The following CCDC7 variants were observed in gnomAD, a reference collection of about 807,000 sequenced individuals.
CCDC7 encodes the protein coiled-coil domain-containing protein 7.
Under a neutral mutation model 196.9 loss-of-function variants are expected in CCDC7, and 183 were observed. The ratio of observed to expected loss-of-function variants is 0.93; its 90% CI spans 0.82 to 1.05. CCDC7 has a LOEUF of 1.05. Ranked by LOEUF, CCDC7 falls within the 50% of genes least tolerant of loss-of-function variation. The pLI is 0.00. For missense variants in CCDC7, 1,540 were observed against 1,482.2 expected, an observed-to-expected ratio of 1.04 and a Z score of -0.64; for synonymous variants, 525 against 484.6, an observed-to-expected ratio of 1.08 and a Z score of -1.10.
exon 24 of CCDC7, chr10:32,694,918 A>G (rs773618804): frequency 1.1e-5 from 17 of 1,605,032 alleles, no homozygotes; most frequent in Admixed American, 3.4e-5. Flanking sequence ...GTGCTTGAAC[A>G]TCAAGATTCA....
At chr10:32,488,598 G>A (rs1208367349) in intron 8 of CCDC7, among the ~76,000 whole-genome samples, 1 of 152,120 alleles carries the variant, frequency 6.6e-6, no homozygotes, top group African/African-American at 2.4e-5. Flanking sequence ...CTGTAGACTG[G>A]AGCTGTTCCT....
chr10:32,752,304 C>G (rs542860212), intron 28 of CCDC7, among the ~76,000 whole-genome samples: 1 of 152,192 alleles, frequency 6.6e-6, no homozygotes, highest in African/African-American at 2.4e-5. Flanking sequence ...GGATGGATAA[C>G]TTTATACACT....
chr10:32,840,017 A>G (rs1190293868), intron 33 of CCDC7, among the ~76,000 whole-genome samples: 1 of 152,048 alleles, frequency 6.6e-6, no homozygotes, highest in Non-Finnish European at 1.5e-5. Context: ...GCTAAGAGGA[A>G]CTGTTCATAG....
At chr10:32,592,985 T>A (rs981955712) in intron 18 of CCDC7, among the ~76,000 whole-genome samples, 13 of 152,226 alleles carry the variant, frequency 8.5e-5, no homozygotes, top group African/African-American at 3.1e-4. Context: ...TCTTTGCTAT[T>A]GTGATTAGTG....
chr10:32,555,214 TA>T (rs979377400), intron 13 of CCDC7, among the ~76,000 whole-genome samples: 1 of 152,092 alleles, frequency 6.6e-6, no homozygotes, highest in African/African-American at 2.4e-5. Flanking sequence ...TACCTAACAG[TA>T]AGATTACTGG....
At chr10:32,870,077 G>T (rs2094370411) in intron 41 of CCDC7, among the ~76,000 whole-genome samples, 4 of 152,054 alleles carry the variant, frequency 2.6e-5, no homozygotes, top group African/African-American at 9.7e-5. Flanking sequence ...TGGCAATGCG[G>T]GCTCTTTTTT....
At chr10:32,876,294 A>G (rs1323200647) in intron 41 of CCDC7, 53 bp from the exon 43 acceptor site, 1 of 1,320,622 alleles carries the variant, frequency 7.6e-7, no homozygotes, top group Non-Finnish European at 1.1e-6. Context: ...AAATTATATC[A>G]ACTGGAGTAA....
At chr10:32,845,985 A>G (rs1246765757) in intron 36 of CCDC7, 26 bp downstream of exon 37, 6 of 1,515,434 alleles carry the variant, frequency 4.0e-6, no homozygotes, top group Non-Finnish European at 5.5e-6. Flanking sequence ...TTTCAAGTCT[A>G]ATATTTAGGC....
At chr10:32,828,534 GAAGAAGAAGAAGAAGAAGAAGAAGA>G (rs1565635368) in intron 32 of CCDC7, among the ~76,000 whole-genome samples, 5 of 150,616 alleles carry the variant, frequency 3.3e-5, no homozygotes, top group Non-Finnish European at 5.9e-5. Context: ...AGAAGAAGAA[GAAGAAGAAGAAGAAGAAGAAGAAGA>G]AAGAAGAAGA....
chr10:32,771,944 A>G (rs2079226218), intron 28 of CCDC7, among the ~76,000 whole-genome samples: 1 of 152,172 alleles, frequency 6.6e-6, no homozygotes, highest in African/African-American at 2.4e-5. Context: ...AGTGCTTCCA[A>G]CTGTGGGAGT....
At chr10:32,652,083 T>G (rs2068867440) in intron 20 of CCDC7, among the ~76,000 whole-genome samples, 1 of 152,202 alleles carries the variant, frequency 6.6e-6, no homozygotes, top group Non-Finnish European at 1.5e-5. Flanking sequence ...CTTTATATGT[T>G]TAGGTGCTCC....
At chr10:32,686,180 C>T (rs1361302730) in intron 22 of CCDC7, 100 bp downstream of exon 23, 4 of 590,422 alleles carry the variant, frequency 6.8e-6, no homozygotes, top group Non-Finnish European at 8.7e-6. Context: ...AGAAATTTTA[C>T]CTTGAACCTA....
In CCDC7 at chr10:32,511,756, G is replaced by A. The variant is rs1032509240; in HGVS notation, c.873-6189G>A. The A allele has an allele frequency of 2.6e-6, 4 of 1,523,650 alleles. No homozygotes were observed. The South Asian group carries it at 4.5e-5, about 17-fold the overall frequency. The allele number at this position is 1,523,650 out of a possible 1,614,324, so 94.4% of individuals were successfully genotyped here. On this transcript the variant is annotated intron_variant, in intron 9 of 41. Transcript: ENST00000639629. ...CACCTGCCGTTATGGCTGACTCACG[G>A]CCTTCGACTCCAGCCTCCCGGAAAG...
At chr10:32,632,146 G>C (rs1213601661) in intron 18 of CCDC7, among the ~76,000 whole-genome samples, 4 of 139,862 alleles carry the variant, frequency 2.9e-5, no homozygotes, top group South Asian at 2.5e-4. Flanking sequence ...TTTTGGGGGG[G>C]GGGGGGTCTA....
chr10:32,474,035 C>T lies in CCDC7; in HGVS notation c.796+12C>T, dbSNP rs760535162. The T allele has an allele frequency of 1.1e-5, 18 of 1,609,028 alleles. No individual in the cohort carries two copies. Among genetic ancestry groups the T allele is most frequent in the Non-Finnish European group, 1.5e-5 (18 of 1,177,582 alleles). On this transcript the variant is annotated intron_variant, in intron 8 of 41. Transcript: ENST00000639629. ...TGCAACAGAACCACGTAAGTTTCCA[C>T]TCATTAAAGCATTATTGTGATAATA...
exon 6 of CCDC7, chr10:32,471,177 T>C (rs1411116701): frequency 6.2e-7 from 1 of 1,612,492 alleles, no homozygotes; most frequent in Non-Finnish European, 8.5e-7. Flanking sequence ...AACTGAAGAA[T>C]CGCCTTAAAC....
chr10:32,783,027 T>C (rs2081297552), intron 29 of CCDC7, among the ~76,000 whole-genome samples: 1 of 152,126 alleles, frequency 6.6e-6, no homozygotes, highest in South Asian at 2.1e-4. Flanking sequence ...ATGGACCAAA[T>C]ACCTACATAT....
At chr10:32,530,362 A>T (rs929870591) in intron 11 of CCDC7, among the ~76,000 whole-genome samples, 1 of 148,144 alleles carries the variant, frequency 6.8e-6, no homozygotes, top group Non-Finnish European at 1.5e-5. Context: ...TGCTTTTGGC[A>T]GTATGGTCAT....
intron 13 of CCDC7, among the ~76,000 whole-genome samples, chr10:32,555,410 T>C (rs1321105214): frequency 1.3e-5 from 2 of 152,124 alleles, no homozygotes; most frequent in African/African-American, 4.8e-5. Flanking sequence ...CACACCCAGC[T>C]AATTTTTGTA....
Sources: allele counts gnomAD v4.1 joint callset (sites outside exome capture counted in the v4.1 genomes callset), GRCh38; gene constraint gnomAD v4.1.1; transcripts MANE v1.5; gene names NCBI Gene and HGNC (gene_info 2026-07-23, HGNC 2026-07-21).